ADAM23: variants seen among roughly 807,000 people sequenced by gnomAD.
ADAM23 encodes disintegrin and metalloproteinase domain-containing protein 23.
In ADAM23, 33 loss-of-function variants were observed where a neutral mutation model predicts 120.1. The ratio of observed to expected loss-of-function variants is 0.27; its 90% CI spans 0.21 to 0.37. The LOEUF (loss-of-function observed/expected upper bound fraction) is 0.37, where lower values mean the gene tolerates loss of function less well. Ranked by LOEUF, ADAM23 falls within the 10% of genes least tolerant of loss-of-function variation. The pLI, the probability that ADAM23 is intolerant of heterozygous loss-of-function variation, is 1.00. For missense variants in ADAM23, 862 were observed against 1,058.2 expected (o/e 0.81, Z 2.57); for synonymous variants, 367 against 375.2 (o/e 0.98, Z 0.25).
chr2:206,487,491 G>A (rs914808728), intron 3 of ADAM23, among the ~76,000 whole-genome samples: 1 of 152,208 alleles, frequency 6.6e-6, no homozygotes, highest in Non-Finnish European at 1.5e-5. Flanking sequence ...TTGAAAGCAT[G>A]CTCGCGAGAC....
At chr2:206,523,468 T>C (rs536397144) in intron 3 of ADAM23, among the ~76,000 whole-genome samples, 1 of 152,316 alleles carries the variant, frequency 6.6e-6, no homozygotes, top group South Asian at 2.1e-4. Flanking sequence ...TTTCACCCAC[T>C]TAATATATCA....
chr2:206,533,833 C>A (rs12472480), intron 4 of ADAM23, among the ~76,000 whole-genome samples: 91,694 of 152,020 alleles, frequency 0.6, 28,056 homozygotes, highest in Admixed American at 0.7. Context: ...TCGAGAGGTC[C>A]AAAAGAAGCG....
At chr2:206,524,085 C>T (rs559276648) in intron 3 of ADAM23, among the ~76,000 whole-genome samples, 1 of 152,226 alleles carries the variant, frequency 6.6e-6, no homozygotes, top group African/African-American at 2.4e-5. Context: ...GTACTGAGAA[C>T]TTAAGTACTT....
intron 24 of ADAM23, among the ~76,000 whole-genome samples, chr2:206,599,417 A>G (rs998714476): frequency 1.3e-5 from 2 of 152,168 alleles, no homozygotes; most frequent in African/African-American, 4.8e-5. Flanking sequence ...AAATATTTAC[A>G]TTTCCAGAAA....
chr2:206,600,280 G>T (rs531247296), intron 24 of ADAM23, among the ~76,000 whole-genome samples: 1 of 152,282 alleles, frequency 6.6e-6, no homozygotes, highest in Admixed American at 6.5e-5. Context: ...GCCTGATTGA[G>T]CACAGTGTTT....
Position 206,619,011 on chromosome 2 carries a change from A to G in ADAM23, c.*1384A>G, listed in dbSNP as rs1323775437. 6.6e-6 allele frequency: 1 copy of G among 152,128 alleles called. No individual in the cohort carries two copies. Among genetic ancestry groups the G allele is most frequent in the Non-Finnish European group, 1.5e-5 (1 of 68,002 alleles). 9.4% of individuals were successfully genotyped at this position (152,128 alleles called of 1,614,324 possible). On this transcript the variant is annotated 3_prime_UTR_variant, in exon 26 of 26. Coordinates refer to ENST00000264377, the MANE Select transcript of ADAM23 (RefSeq NM_003812.4). ...AAATTAAGCTTTCCATTTTATTTGTATTTGTTAGTGTCAATATTTCATCCA... is the reference window on the plus strand; with the variant it reads ...AAATTAAGCTTTCCATTTTATTTGTGTTTGTTAGTGTCAATATTTCATCCA...
At chr2:206,617,517 A>G in intron 25 of ADAM23, 62 bp from the exon 26 acceptor site, 2 of 1,515,484 alleles carry the variant, frequency 1.3e-6, no homozygotes, top group Admixed American at 2.0e-5. Context: ...TGTCATCATC[A>G]TCTGATTAAT....
rs193115059 is a variant in ADAM23 at position 206,511,254 on chromosome 2, A to G, written c.510-19631A>G. ...TCCTTTTACAAAAGAGGTTCTTTCT[A>G]TAATTTCTTTGAGATCAGAGTATTT... is the stretch of plus-strand genomic sequence containing the variant. On this transcript the variant is annotated intron_variant, in intron 3 of 25. Coordinates refer to ENST00000264377, the MANE Select transcript of ADAM23 (RefSeq NM_003812.4). Among the ~76,000 whole-genome samples, 212 of 152,118 alleles carry G rather than the reference A, an allele frequency of 1.4e-3. 1 individual carries two copies. Among genetic ancestry groups the G allele is most frequent in the Admixed American group, 3.1e-3 (48 of 15,272 alleles).
chr2:206,557,294 T>A lies in ADAM23; in HGVS notation c.934-133T>A, dbSNP rs1457630692. 4 of 730,482 alleles carry A rather than the reference T, an allele frequency of 5.5e-6. No homozygotes were observed. In the Admixed American group the frequency reaches 8.7e-5, roughly 16 times the overall value. The allele number at this position is 730,482 out of a possible 1,614,324, so 45.3% of individuals were successfully genotyped here. On this transcript the variant is annotated intron_variant, in intron 9 of 25. Coordinates refer to ENST00000264377, the MANE Select transcript of ADAM23 (RefSeq NM_003812.4). The stretch of plus-strand genomic sequence containing the variant: ...AGAGAAGTAACACCACCAAATCCAG[T>A]ATACCACAAACTAAATTATATATTT...
At position 206,589,398 on chromosome 2, in the gene ADAM23, A is replaced by C; in HGVS notation, c.1853-11A>C. ...GAAAATTAATTTTCTTCTCTTGCCTATCTCCAAAAGAGGCTGCAGGGTCTG... is the reference window on the plus strand; with the variant it reads ...GAAAATTAATTTTCTTCTCTTGCCTCTCTCCAAAAGAGGCTGCAGGGTCTG... On this transcript the variant is annotated splice_polypyrimidine_tract_variant and intron_variant, in intron 20 of 25. Coordinates refer to ENST00000264377, the MANE Select transcript of ADAM23 (RefSeq NM_003812.4). 4 of 1,610,488 alleles carry C rather than the reference A, an allele frequency of 2.5e-6. No individual in the cohort carries two copies. The highest frequency in any genetic ancestry group is 3.4e-6 in the Non-Finnish European group (4 of 1,178,276).
intron 3 of ADAM23, among the ~76,000 whole-genome samples, chr2:206,495,070 ACT>A (rs944836970): frequency 5.1e-4 from 78 of 152,350 alleles, no homozygotes; most frequent in Admixed American, 2.8e-3. Context: ...GTTGGAAAAC[ACT>A]CTGCAGGATA....
intron 3 of ADAM23, among the ~76,000 whole-genome samples, chr2:206,509,606 G>A (rs868278166): frequency 1.3e-5 from 2 of 151,942 alleles, no homozygotes; most frequent in African/African-American, 2.4e-5. Flanking sequence ...GCGCCATCAC[G>A]CCCAGCTAAT....
chr2:206,528,005 T>A (rs1041227226), intron 3 of ADAM23, among the ~76,000 whole-genome samples: 8 of 152,238 alleles, frequency 5.3e-5, no homozygotes, highest in Non-Finnish European at 1.2e-4. Flanking sequence ...GGAAATAGGA[T>A]AATTAAAGTG....
At chr2:206,500,674 G>A (rs1414834975) in intron 3 of ADAM23, among the ~76,000 whole-genome samples, 1 of 152,098 alleles carries the variant, frequency 6.6e-6, no homozygotes, top group African/African-American at 2.4e-5. Context: ...GGACCTCCAG[G>A]AACCTGAGAG....
At chr2:206,515,467 T>C (rs1417486189) in intron 3 of ADAM23, among the ~76,000 whole-genome samples, 1 of 152,168 alleles carries the variant, frequency 6.6e-6, no homozygotes, top group African/African-American at 2.4e-5. Context: ...ACACACAGTC[T>C]TTGCTCCTGT....
chr2:206,489,982 C>A (rs1296399912), intron 3 of ADAM23, among the ~76,000 whole-genome samples: 1 of 152,146 alleles, frequency 6.6e-6, no homozygotes, highest in Non-Finnish European at 1.5e-5. Context: ...ACTCTGCATT[C>A]GTACGTTGAA....
rs1574551553 is a variant in ADAM23 at position 206,588,165 on chromosome 2, C to T, written c.1852+11C>T. ...ACATCTGGGGAACAAGTAGGTCGCACCTCCTTGCTTGGCGGTTACACATAC... is the reference window on the plus strand; with the variant it reads ...ACATCTGGGGAACAAGTAGGTCGCATCTCCTTGCTTGGCGGTTACACATAC... On this transcript the variant is annotated intron_variant, in intron 20 of 25. Transcript: ENST00000264377. 2.5e-6 allele frequency: 4 copies of T among 1,613,816 alleles called. No individual in the cohort carries two copies. Among genetic ancestry groups the T allele is most frequent in the Non-Finnish European group, 3.4e-6 (4 of 1,179,826 alleles).
At chr2:206,539,589 G>T (rs1021643459) in intron 4 of ADAM23, among the ~76,000 whole-genome samples, 4 of 152,180 alleles carry the variant, frequency 2.6e-5, no homozygotes, top group African/African-American at 9.7e-5. Flanking sequence ...GTGAGGTAAT[G>T]GTTGTTGAAG....
At position 206,443,713 on chromosome 2, in the gene ADAM23, C is replaced by T; in HGVS notation, c.-154C>T. ...CGGGAAAGGGGGCGCCGCCCAGCCC[C>T]GAGCCCCGCGCCCCGTGCCCCGAGC... On this transcript the variant is annotated 5_prime_UTR_variant, in exon 1 of 26. Coordinates refer to ENST00000264377, the MANE Select transcript of ADAM23 (RefSeq NM_003812.4). 1 of 211,280 alleles carries T rather than the reference C, an allele frequency of 4.7e-6. No individual in the cohort carries two copies. Among genetic ancestry groups the T allele is most frequent in the Non-Finnish European group, 8.1e-6 (1 of 123,932 alleles). 13.1% of individuals were successfully genotyped at this position (211,280 alleles called of 1,614,324 possible).
Sources: allele counts gnomAD v4.1 joint callset (sites outside exome capture counted in the v4.1 genomes callset), GRCh38; gene constraint gnomAD v4.1.1; transcripts MANE v1.5; gene names NCBI Gene and HGNC (gene_info 2026-07-23, HGNC 2026-07-21).